The following USP2 variants were observed in gnomAD, a reference collection of about 807,000 sequenced individuals.
USP2 encodes the protein ubiquitin carboxyl-terminal hydrolase 2.
USP2 carries 33 observed loss-of-function variants against 72.0 expected under a neutral mutation model. That is an observed-to-expected ratio of 0.46 (90% CI 0.35 to 0.61). USP2 has a LOEUF of 0.61. Ranked by LOEUF, USP2 falls within the 20% of genes least tolerant of loss-of-function variation. USP2 has a pLI of 0.01. For missense variants in USP2, 691 were observed against 797.8 expected, an observed-to-expected ratio of 0.87 and a Z score of 1.61; for synonymous variants, 296 against 312.5, an observed-to-expected ratio of 0.95 and a Z score of 0.56.
At chr11:119,369,917 A>G (rs1950904830) in intron 2 of USP2, among the ~76,000 whole-genome samples, 2 of 152,132 alleles carry the variant, frequency 1.3e-5, no homozygotes, top group South Asian at 4.1e-4. Context: ...GGTGGCTCAC[A>G]CCTGTAATCT....
At chr11:119,362,524 C>T (rs1453116879) in intron 2 of USP2, among the ~76,000 whole-genome samples, 1 of 151,450 alleles carries the variant, frequency 6.6e-6, no homozygotes, top group Non-Finnish European at 1.5e-5. Context: ...GGAGTGGGGG[C>T]GACAGAGGAG....
Position 119,356,509 on chromosome 11 carries a change from A to C in USP2, c.*326T>G. 17 of 221,268 alleles carry C rather than the reference A, an allele frequency of 7.7e-5. No individual in the cohort carries two copies. The highest frequency in any genetic ancestry group is 1.2e-4 in the Non-Finnish European group (14 of 112,416). 13.7% of individuals were successfully genotyped at this position (221,268 alleles called of 1,614,324 possible). A position where few individuals can be genotyped will look rare whatever the true frequency, so the allele number is the denominator to read the frequency against. On this transcript the variant is annotated 3_prime_UTR_variant, in exon 13 of 13. Transcript: ENST00000260187. ...CGGAGGCGCGGGCGCTGCGGCGGGA[A>C]GCGGCGCAGCGAGGGTCTTCCCCCC...
Position 119,370,843 on chromosome 11 carries a change from T to A in USP2, c.774+1864A>T, listed in dbSNP as rs141732562. ...GTCCTCTCTCAAAATTCCCTTCACC[T>A]TGGCCCTGGAGCCGGGGGGAGGAGC... On this transcript the variant is annotated intron_variant, in intron 2 of 12. Transcript: ENST00000260187. Among the ~76,000 whole-genome samples, 27 of 152,292 alleles carry A rather than the reference T, an allele frequency of 1.8e-4. 1 individual carries two copies. In the East Asian group the frequency reaches 5.0e-3, roughly 28 times the overall value.
chr11:119,363,895 G>C, intron 2 of USP2: 3 of 1,394,026 alleles, frequency 2.2e-6, no homozygotes, highest in Non-Finnish European at 1.9e-6. Flanking sequence ...GAGCAGCAGG[G>C]ACGGGGAGAG....
At position 119,359,543 on chromosome 11, in the gene USP2, C is replaced by T. The variant is rs368079550; in HGVS notation, c.943G>A (p.Val315Met). 3.6e-5 allele frequency: 58 copies of T among 1,613,778 alleles called. No homozygotes were observed. Among genetic ancestry groups the T allele is most frequent in the Non-Finnish European group, 4.5e-5 (53 of 1,180,014 alleles). The change falls in exon 4 of 13, where the codon GTG becomes ATG. Residue 315 changes from valine to methionine, a missense_variant. Transcript: ENST00000260187. Reference sequence around the variant, plus strand: ...ATGACAGAGGGCCTCTCACCTTCCACGAGGGCTGTGTGTGCATTGCTGCCG... The same window carrying T: ...ATGACAGAGGGCCTCTCACCTTCCATGAGGGCTGTGTGTGCATTGCTGCCG... The part of the protein sequence containing the change: ...HHGSNAHTAL[V>M]EEFAKLIQTI...
intron 1 of USP2, 111 bp downstream of exon 1, chr11:119,381,362 A>G: frequency 8.4e-7 from 1 of 1,193,108 alleles, no homozygotes; most frequent in Middle Eastern, 1.9e-4. Context: ...CTCTCCCTAT[A>G]TTTCTAGTGT....
At chr11:119,362,634 AC>A in intron 2 of USP2, among the ~76,000 whole-genome samples, 1 of 152,260 alleles carries the variant, frequency 6.6e-6, no homozygotes, top group South Asian at 2.1e-4. Flanking sequence ...ACAGAGGGGA[AC>A]AAAATGTCCC....
intron 1 of USP2, among the ~76,000 whole-genome samples, 191 bp downstream of exon 1, chr11:119,381,282 C>T (rs529212380): frequency 6.6e-6 from 1 of 152,304 alleles, no homozygotes; most frequent in African/African-American, 2.4e-5. Flanking sequence ...CTTCCTGGCA[C>T]CCTGGGCTGT....
chr11:119,371,032 C>T (rs7949607), intron 2 of USP2, among the ~76,000 whole-genome samples: 135 of 152,180 alleles, frequency 8.9e-4, no homozygotes, highest in African/African-American at 3.1e-3. Flanking sequence ...TTAGTCTGCG[C>T]TGAGGTTTTC....
chr11:119,359,079 C>A lies in USP2; in HGVS notation c.1117G>T (p.Val373Leu). ...RFLLDGLHNE[V>L]NRVTLRPKSN... is the part of the protein sequence containing the mutation. ...TTAGGTCTCAGTGTCACTCGGTTCA[C>A]CTCGTTATGGAGCCCATCCAGAAGA... is the stretch of plus-strand genomic sequence containing the variant. The change falls in exon 6 of 13, where the codon GTG becomes TTG. Residue 373 changes from valine to leucine, a missense_variant. By Grantham distance (32) the Val-to-Leu change is conservative. Coordinates refer to ENST00000260187, the MANE Select transcript of USP2 (RefSeq NM_004205.5). 1 of 1,614,068 alleles carries A rather than the reference C, an allele frequency of 6.2e-7. No individual in the cohort carries two copies. Among genetic ancestry groups the A allele is most frequent in the Non-Finnish European group, 8.5e-7 (1 of 1,180,034 alleles).
At chr11:119,369,560 C>T (rs1287771174) in intron 2 of USP2, among the ~76,000 whole-genome samples, 1 of 152,148 alleles carries the variant, frequency 6.6e-6, no homozygotes, top group African/African-American at 2.4e-5. Flanking sequence ...TAGTCAGCTG[C>T]CAAACGCCCC....
chr11:119,377,311 C>T (rs951558027), intron 1 of USP2, among the ~76,000 whole-genome samples: 1 of 152,162 alleles, frequency 6.6e-6, no homozygotes, highest in African/African-American at 2.4e-5. Context: ...AGCCCAGACC[C>T]CTGCTTCACT....
chr11:119,362,310 G>A (rs180982468), intron 2 of USP2, among the ~76,000 whole-genome samples: 82 of 152,220 alleles, frequency 5.4e-4, no homozygotes, highest in Non-Finnish European at 1.0e-3. Context: ...AGGACACTTC[G>A]TCACCCACGA....
chr11:119,362,972 G>A (rs1417103787), intron 2 of USP2, among the ~76,000 whole-genome samples: 1 of 152,256 alleles, frequency 6.6e-6, no homozygotes. Context: ...GGAGAGCCCT[G>A]CCTGGGTTAA....
intron 1 of USP2, chr11:119,376,269 G>T: frequency 1.5e-5 from 15 of 985,664 alleles, no homozygotes; most frequent in Non-Finnish European, 1.7e-5. Flanking sequence ...ATGGGCAGGA[G>T]AGCGGGCTGG....
chr11:119,359,767 G>C, intron 3 of USP2, 107 bp from the exon 4 acceptor site: 2 of 1,474,394 alleles, frequency 1.4e-6, no homozygotes, highest in Non-Finnish European at 9.1e-7. Context: ...TCCTTTCATA[G>C]GAGGCTATCC....
At chr11:119,362,829 GTCTT>G (rs924802813) in intron 2 of USP2, among the ~76,000 whole-genome samples, 6 of 151,986 alleles carry the variant, frequency 3.9e-5, no homozygotes, top group Non-Finnish European at 8.8e-5. Flanking sequence ...TTTGGACCCA[GTCTT>G]CCTTCCATTC....
At chr11:119,372,593 A>G in intron 2 of USP2, 114 bp downstream of exon 2, 1 of 1,116,912 alleles carries the variant, frequency 9.0e-7, no homozygotes, top group Non-Finnish European at 1.2e-6. Flanking sequence ...GTTTGTCTCC[A>G]CCAGGAGCAG....
At chr11:119,370,146 A>G (rs1037007006) in intron 2 of USP2, among the ~76,000 whole-genome samples, 1 of 152,132 alleles carries the variant, frequency 6.6e-6, no homozygotes, top group African/African-American at 2.4e-5. Context: ...CTGCACTCCA[A>G]CCTGAGTGAG....
Sources: gnomAD v4.1 joint callset for allele counts (sites outside exome capture counted in the v4.1 genomes callset) on GRCh38, gnomAD v4.1.1 for gene constraint, MANE v1.5 for transcripts, NCBI Gene and HGNC (gene_info 2026-07-23, HGNC 2026-07-21) for gene names.